Variants in CCSER2 observed in about 807,000 individuals in gnomAD.
CCSER2 encodes the protein coiled-coil serine rich protein 2.
A neutral mutation model predicts 92.3 loss-of-function variants in CCSER2; 46 were observed. The ratio of observed to expected loss-of-function variants is 0.50; its 90% CI spans 0.39 to 0.64. The LOEUF (loss-of-function observed/expected upper bound fraction) is 0.64, where lower values mean the gene tolerates loss of function less well. CCSER2 is among the 30% of genes least tolerant of loss of function. CCSER2 has a pLI of 0.00. For synonymous variants in CCSER2, 433 were observed against 431.4 expected (o/e 1.00, Z -0.04); for missense variants, 1,244 against 1,238.9 (o/e 1.00, Z -0.06).
chr10:84,330,699 G>A (rs771721846), intron 1 of CCSER2, among the ~76,000 whole-genome samples: 28 of 152,066 alleles, frequency 1.8e-4, no homozygotes, highest in Admixed American at 1.8e-3. Flanking sequence ...AGTAGAGACG[G>A]GTTTCAGTAT....
rs758264454 is a variant in CCSER2, at chr10:84,438,569, C to G, written c.1926C>G (p.Pro642=). Residue 642 remains proline (P), a synonymous_variant, in exon 6 of 10, where the codon CCC becomes CCG. Coordinates refer to ENST00000372088, the MANE Select transcript of CCSER2 (RefSeq NM_001284240.2). ...LGHFESYGGM[P]FFQAQKMFVD... ...ATTTTGAAAGCTATGGAGGGATGCC[C>G]TTTTTCCAGGCTCAGAAGATGTTTG... 1.9e-6 allele frequency: 3 copies of G among 1,613,574 alleles called. No homozygotes were observed. The highest frequency in any genetic ancestry group is 1.1e-5 in the South Asian group (1 of 91,050).
intron 4 of CCSER2, among the ~76,000 whole-genome samples, chr10:84,425,435 T>A (rs1843376435): frequency 6.6e-6 from 1 of 152,188 alleles, no homozygotes; most frequent in Non-Finnish European, 1.5e-5. Context: ...TTAAAATGTA[T>A]AATGTTGATT....
At chr10:84,404,603 T>TA (rs376864094) in intron 3 of CCSER2, among the ~76,000 whole-genome samples, 6 of 152,188 alleles carry the variant, frequency 3.9e-5, no homozygotes, top group Admixed American at 1.3e-4. Context: ...AGTGAACTAC[T>TA]AAATGTGTGT....
intron 3 of CCSER2, among the ~76,000 whole-genome samples, chr10:84,383,370 G>A (rs902047721): frequency 3.9e-5 from 6 of 152,048 alleles, no homozygotes; most frequent in African/African-American, 1.2e-4. Flanking sequence ...GAGTGCAGTG[G>A]TGTGATCTCG....
rs1849553886 is a variant in CCSER2 at position 84,515,142 on chromosome 10, G to T, written c.*875G>T. On this transcript the variant is annotated 3_prime_UTR_variant, in exon 10 of 10. Coordinates refer to ENST00000372088, the MANE Select transcript of CCSER2 (RefSeq NM_001284240.2). ...TGAACCCTTAGGCTTGTGGATCCAT[G>T]ATAGCCATTTTAAGGTTCCACAGCA... The T allele has an allele frequency of 6.6e-6, 1 of 152,550 alleles. No individual in the cohort carries two copies. 9.4% of individuals were successfully genotyped at this position (152,550 alleles called of 1,614,324 possible).
chr10:84,398,953 G>A (rs1358450157), intron 3 of CCSER2, among the ~76,000 whole-genome samples: 1 of 152,166 alleles, frequency 6.6e-6, no homozygotes, highest in Non-Finnish European at 1.5e-5. Context: ...GTTTAAAGTT[G>A]TTCACTCTTA....
At chr10:84,483,639 C>T (rs765188317) in intron 9 of CCSER2, among the ~76,000 whole-genome samples, 21 of 151,808 alleles carry the variant, frequency 1.4e-4, no homozygotes, top group Non-Finnish European at 2.2e-4. Flanking sequence ...TGGGATGGAA[C>T]GCTAACCAAA....
chr10:84,356,227 G>A (rs146885202), intron 1 of CCSER2, among the ~76,000 whole-genome samples: 1 of 151,950 alleles, frequency 6.6e-6, no homozygotes, highest in Non-Finnish European at 1.5e-5. Context: ...GATATTTGAT[G>A]GTTATTATAA....
Position 84,517,584 on chromosome 10 carries a change from A to G in CCSER2, c.*3317A>G, listed in dbSNP as rs551006927. The G allele has an allele frequency of 6.5e-6, 1 of 152,696 alleles. No homozygotes were observed. Among genetic ancestry groups the G allele is most frequent in the South Asian group, 2.1e-4 (1 of 4,818 alleles). The allele number at this position is 152,696 out of a possible 1,614,324, so 9.5% of individuals were successfully genotyped here. A position where few individuals can be genotyped will look rare whatever the true frequency, so the allele number is the denominator to read the frequency against. ...TGCCTGAAATATCGAATTGCCTCCT[A>G]TTGGGTGTGGCTTTGTTGAAATAAA... On this transcript the variant is annotated 3_prime_UTR_variant, in exon 10 of 10. Transcript: ENST00000372088.
At chr10:84,355,323 C>CCAA (rs1845105075) in intron 1 of CCSER2, among the ~76,000 whole-genome samples, 1 of 152,194 alleles carries the variant, frequency 6.6e-6, no homozygotes, top group South Asian at 2.1e-4. Flanking sequence ...CATTGTTCAG[C>CCAA]CAACAACAGT....
At position 84,372,085 on chromosome 10, in the gene CCSER2, G is replaced by A; in HGVS notation, c.1033G>A (p.Asp345Asn). 2 of 1,613,788 alleles carry A rather than the reference G, an allele frequency of 1.2e-6. No homozygotes were observed. The highest frequency in any genetic ancestry group is 2.2e-5 in the South Asian group (2 of 91,070). The change falls in exon 2 of 10, where the codon GAC becomes AAC. Residue 345 changes from aspartate to asparagine, a missense_variant. Physicochemically the swap from Asp to Asn is conservative, Grantham distance 23. Coordinates refer to ENST00000372088, the MANE Select transcript of CCSER2 (RefSeq NM_001284240.2). ...TVDGNKNSPA[D>N]TCVEEDATVL... ...TGATGGAAATAAAAATTCACCTGCTGACACATGTGTAGAGGAAGATGCTAC... is the reference window on the plus strand; with the variant it reads ...TGATGGAAATAAAAATTCACCTGCTAACACATGTGTAGAGGAAGATGCTAC...
At chr10:84,503,295 G>A (rs1306932970) in intron 9 of CCSER2, among the ~76,000 whole-genome samples, 2 of 152,094 alleles carry the variant, frequency 1.3e-5, no homozygotes, top group Non-Finnish European at 2.9e-5. Context: ...TCCTTCTCAG[G>A]AAATTTTGAC....
At chr10:84,354,227 T>G (rs958390219) in intron 1 of CCSER2, among the ~76,000 whole-genome samples, 1 of 149,880 alleles carries the variant, frequency 6.7e-6, no homozygotes, top group Admixed American at 6.7e-5. Flanking sequence ...AAAACAAGAT[T>G]ACGTCTATGT....
intron 9 of CCSER2, chr10:84,499,819 C>T: frequency 1.9e-6 from 3 of 1,570,580 alleles, no homozygotes; most frequent in Non-Finnish European, 8.8e-7. Context: ...CTTGGTTTCT[C>T]TATTTTTTGG....
intron 9 of CCSER2, among the ~76,000 whole-genome samples, chr10:84,511,072 T>C (rs1390333213): frequency 6.6e-6 from 1 of 152,222 alleles, no homozygotes; most frequent in Non-Finnish European, 1.5e-5. Context: ...AAACCACTGA[T>C]TTAGTTAATG....
chr10:84,355,324 C>T (rs577474458), intron 1 of CCSER2, among the ~76,000 whole-genome samples: 195 of 152,302 alleles, frequency 1.3e-3, no homozygotes, highest in African/African-American at 4.5e-3. Context: ...ATTGTTCAGC[C>T]AACAACAGTT....
chr10:84,465,804 G>T (rs763225122), intron 7 of CCSER2, among the ~76,000 whole-genome samples: 8 of 151,756 alleles, frequency 5.3e-5, no homozygotes, highest in Non-Finnish European at 1.0e-4. Context: ...AGGCTGGAGT[G>T]CAGTGGCATG....
intron 9 of CCSER2, among the ~76,000 whole-genome samples, chr10:84,503,416 T>C (rs1352034858): frequency 6.6e-6 from 1 of 152,216 alleles, no homozygotes; most frequent in Non-Finnish European, 1.5e-5. Flanking sequence ...TTCCTGCTGT[T>C]AGTAGGGATT....
chr10:84,458,830 G>A (rs1341754325), intron 6 of CCSER2, among the ~76,000 whole-genome samples: 8 of 151,842 alleles, frequency 5.3e-5, no homozygotes, highest in Non-Finnish European at 1.0e-4. Flanking sequence ...TGTTGGATTT[G>A]TACCTAAGTA....
Sources: gnomAD v4.1 joint callset for allele counts (sites outside exome capture counted in the v4.1 genomes callset) on GRCh38, gnomAD v4.1.1 for gene constraint, MANE v1.5 for transcripts, NCBI Gene and HGNC (gene_info 2026-07-23, HGNC 2026-07-21) for gene names.